The following ADAM7 variants were observed in gnomAD, a reference collection of about 807,000 sequenced individuals.
ADAM7 encodes the protein ADAM metallopeptidase domain 7, also known as disintegrin and metalloproteinase domain-containing protein 7.
Under a neutral mutation model 102.9 loss-of-function variants are expected in ADAM7, and 97 were observed. The ratio of observed to expected loss-of-function variants is 0.94; its 90% CI spans 0.80 to 1.12. The LOEUF is 1.12. ADAM7 is among the 50% of genes most tolerant of loss of function. The probability of loss-of-function intolerance (pLI) is 0.00; values close to 1 mark genes in which losing one functional copy is unlikely to be tolerated. For missense variants in ADAM7, 991 were observed against 908.7 expected (o/e 1.09, Z -1.16); for synonymous variants, 334 against 304.4 (o/e 1.10, Z -1.01).
intron 2 of ADAM7, among the ~76,000 whole-genome samples, chr8:24,444,232 T>C (rs1327940045): frequency 2.0e-5 from 3 of 150,346 alleles, no homozygotes; most frequent in South Asian, 4.1e-4. Flanking sequence ...CATGAGCCCA[T>C]ACTGATATAA....
At chr8:24,496,292 AG>A (rs1820550170) in intron 16 of ADAM7, among the ~76,000 whole-genome samples, 1 of 152,252 alleles carries the variant, frequency 6.6e-6, no homozygotes, top group Admixed American at 6.5e-5. Context: ...CTGGATGCCC[AG>A]GTAAAAGTTT....
At chr8:24,441,258 C>G (rs1487246779) in intron 1 of ADAM7, 98 bp downstream of exon 1, 1 of 1,227,378 alleles carries the variant, frequency 8.1e-7, no homozygotes, top group Non-Finnish European at 1.2e-6. Flanking sequence ...AAACATTAAA[C>G]GTTGATGATT....
chr8:24,505,179 T>C (rs1159664678), intron 20 of ADAM7, among the ~76,000 whole-genome samples: 1 of 152,168 alleles, frequency 6.6e-6, no homozygotes, highest in Non-Finnish European at 1.5e-5. Context: ...ACATTTTCCT[T>C]AAATTAATAC....
chr8:24,500,342 T>C (rs1820715446), intron 18 of ADAM7, 86 bp downstream of exon 18: 1 of 1,230,280 alleles, frequency 8.1e-7, no homozygotes, highest in Non-Finnish European at 1.2e-6. Context: ...CTGCTACTTA[T>C]TTGCTGTGTT....
intron 3 of ADAM7, among the ~76,000 whole-genome samples, chr8:24,451,405 C>T (rs974540639): frequency 6.6e-6 from 1 of 152,162 alleles, no homozygotes; most frequent in Admixed American, 6.5e-5. Flanking sequence ...GGAATTTACC[C>T]ATTTCTTCTA....
At chr8:24,468,950 C>A (rs1819518913) in intron 7 of ADAM7, 130 bp downstream of exon 7, 1 of 788,528 alleles carries the variant, frequency 1.3e-6, no homozygotes. Context: ...TTTAGCTTCC[C>A]AAAACAGACA....
intron 10 of ADAM7, 21 bp downstream of exon 10, chr8:24,485,382 A>G (rs375246641): frequency 1.3e-6 from 2 of 1,595,774 alleles, no homozygotes. Flanking sequence ...TTTTATTTAT[A>G]TTACTTAATA....
At chr8:24,495,378 T>C (rs1462051462) in intron 16 of ADAM7, among the ~76,000 whole-genome samples, 1 of 151,864 alleles carries the variant, frequency 6.6e-6, no homozygotes, top group African/African-American at 2.4e-5. Context: ...TGAACAATTA[T>C]GCACACGCTT....
At chr8:24,450,686 G>A (rs1818748973) in intron 3 of ADAM7, among the ~76,000 whole-genome samples, 1 of 151,856 alleles carries the variant, frequency 6.6e-6, no homozygotes, top group East Asian at 1.9e-4. Flanking sequence ...CCAACACTAT[G>A]TTGAATAGGA....
chr8:24,493,325 T>C, intron 16 of ADAM7, 96 bp downstream of exon 16: 2 of 1,109,146 alleles, frequency 1.8e-6, no homozygotes, highest in East Asian at 2.9e-5. Flanking sequence ...GGTCTAGATA[T>C]GGAAAAGGAA....
chr8:24,497,069 T>G (rs1820584686), intron 16 of ADAM7, among the ~76,000 whole-genome samples: 1 of 152,148 alleles, frequency 6.6e-6, no homozygotes, highest in African/African-American at 2.4e-5. Flanking sequence ...GTCCTTCCCA[T>G]GCTGTTCTCC....
intron 20 of ADAM7, among the ~76,000 whole-genome samples, chr8:24,505,249 A>G (rs1003029381): frequency 6.6e-6 from 1 of 152,166 alleles, no homozygotes; most frequent in African/African-American, 2.4e-5. Flanking sequence ...GTACTGCTCA[A>G]TGATGAATAA....
chr8:24,477,569 A>AGTGTGTGAGAGTGTGTGTGTGT (rs60219377), intron 8 of ADAM7, among the ~76,000 whole-genome samples: 5 of 145,676 alleles, frequency 3.4e-5, no homozygotes, highest in Admixed American at 1.4e-4. Context: ...TACCCTCATC[A>AGTGTGTGAGAGTGTGTGTGTGT]GTGTGTGTGT....
chr8:24,461,020 C>T (rs1819223655), intron 3 of ADAM7, among the ~76,000 whole-genome samples: 1 of 152,030 alleles, frequency 6.6e-6, no homozygotes. Flanking sequence ...TGTCTTCCTT[C>T]TTGAAGGCTA....
chr8:24,507,733 T>C (rs926955468), intron 21 of ADAM7, among the ~76,000 whole-genome samples, 198 bp downstream of exon 21: 1 of 152,024 alleles, frequency 6.6e-6, no homozygotes, highest in Admixed American at 6.6e-5. Context: ...GATGTTTTAA[T>C]CAAAACTTTC....
chr8:24,454,459 G>T (rs111624419), intron 3 of ADAM7, among the ~76,000 whole-genome samples: 6,810 of 152,284 alleles, frequency 0.045, 217 homozygotes, highest in African/African-American at 0.062. Context: ...CTCCGAGCCA[G>T]GTGCGGGATA....
chr8:24,475,026 T>A (rs1322229599), intron 7 of ADAM7, among the ~76,000 whole-genome samples: 1 of 152,098 alleles, frequency 6.6e-6, no homozygotes, highest in Non-Finnish European at 1.5e-5. Flanking sequence ...ATCTCCACAA[T>A]AATGAGGAAT....
intron 3 of ADAM7, among the ~76,000 whole-genome samples, chr8:24,450,617 C>G (rs890127996): frequency 1.3e-5 from 2 of 152,078 alleles, no homozygotes; most frequent in African/African-American, 2.4e-5. Context: ...TTGACTTCCT[C>G]TTTCCTAATT....
chr8:24,482,449 T>C, intron 9 of ADAM7, 138 bp downstream of exon 9: 1 of 855,612 alleles, frequency 1.2e-6, no homozygotes, highest in Non-Finnish European at 1.8e-6. Context: ...TATTTGTAGC[T>C]ACACAGAAAA....
Sources: gnomAD v4.1 joint callset for allele counts (sites outside exome capture counted in the v4.1 genomes callset) on GRCh38, gnomAD v4.1.1 for gene constraint, MANE v1.5 for transcripts, NCBI Gene and HGNC (gene_info 2026-07-23, HGNC 2026-07-21) for gene names.